FRMD4B: variants seen among roughly 807,000 people sequenced by gnomAD.
FRMD4B encodes the protein FERM domain containing 4B, also known as FERM domain-containing protein 4B.
Under a neutral mutation model 141.5 loss-of-function variants are expected in FRMD4B, and 74 were observed. The observed-to-expected ratio is 0.52, with a 90% CI of 0.43 to 0.63. FRMD4B has a LOEUF of 0.63. Ranked by LOEUF, FRMD4B falls within the 30% of genes least tolerant of loss-of-function variation. The probability of loss-of-function intolerance (pLI) is 0.00; values close to 1 mark genes in which losing one functional copy is unlikely to be tolerated. For missense variants in FRMD4B, 1,366 were observed against 1,253.4 expected (o/e 1.09, Z -1.36); for synonymous variants, 506 against 467.9 (o/e 1.08, Z -1.05).
At chr3:69,469,769 C>T (rs914333923) in intron 1 of FRMD4B, among the ~76,000 whole-genome samples, 1 of 152,146 alleles carries the variant, frequency 6.6e-6, no homozygotes, top group African/African-American at 2.4e-5. Flanking sequence ...GCTGAAATGG[C>T]TGTTGATAAA....
intron 1 of FRMD4B, chr3:69,377,123 A>C (rs1048282662): frequency 6.6e-6 from 1 of 152,232 alleles, no homozygotes; most frequent in Non-Finnish European, 1.5e-5. Flanking sequence ...TGATGAGCTA[A>C]AAAATTAAGA....
At chr3:69,230,809 A>G (rs1447652880) in intron 7 of FRMD4B, among the ~76,000 whole-genome samples, 1 of 152,200 alleles carries the variant, frequency 6.6e-6, no homozygotes, top group Non-Finnish European at 1.5e-5. Flanking sequence ...AATATCCCAT[A>G]ACAGTATAAA....
At position 69,540,652 on chromosome 3, in the gene FRMD4B, TATATATATACAC is replaced by T. The variant is rs1406224759; in HGVS notation, c.-129+1542_-129+1553del. On this transcript the variant is annotated intron_variant, in intron 1 of 5. Transcript: ENST00000459638. The stretch of plus-strand genomic sequence containing the variant: ...AAAAAAAAAAATATATATATATATA[TATATATATACAC>T]ACACACACACACACACACACACACA... Among the ~76,000 whole-genome samples the T allele has an allele frequency of 5.3e-3, 436 of 81,682 alleles. 2 individuals carry two copies. The highest frequency in any genetic ancestry group is 5.9e-3 in the Non-Finnish European group (283 of 47,832). 53.6% of individuals were successfully genotyped at this position (81,682 alleles called of 152,430 possible).
intron 4 of FRMD4B, among the ~76,000 whole-genome samples, chr3:69,299,491 T>A (rs1701140866): frequency 6.6e-6 from 1 of 152,192 alleles, no homozygotes; most frequent in African/African-American, 2.4e-5. Flanking sequence ...CCTCCCTCCA[T>A]GGCATTATAT....
chr3:69,456,250 G>GAAAGT (rs397786386), intron 1 of FRMD4B, among the ~76,000 whole-genome samples: 1 of 151,322 alleles, frequency 6.6e-6, no homozygotes, highest in African/African-American at 2.4e-5. Flanking sequence ...TTTGCACAAA[G>GAAAGT]TAAGAAAAAA....
At chr3:69,215,573 G>A (rs1159682501) in intron 11 of FRMD4B, among the ~76,000 whole-genome samples, 1 of 151,888 alleles carries the variant, frequency 6.6e-6, no homozygotes, top group Non-Finnish European at 1.5e-5. Flanking sequence ...TTACAGACAG[G>A]AGTCACCATG....
In FRMD4B at chr3:69,169,282, G is replaced by A. The variant is rs1454742727; in HGVS notation, c.*2579C>T. Among the ~76,000 whole-genome samples the A allele has an allele frequency of 1.3e-5, 2 of 151,506 alleles. No individual in the cohort carries two copies. Among genetic ancestry groups the A allele is most frequent in the Non-Finnish European group, 2.9e-5 (2 of 67,962 alleles). ...GTAGTTTAATTGGTTTAATACCAAT[G>A]CGGTTGAGAAATGTTTTTCAAAAGA... is the stretch of plus-strand genomic sequence containing the variant. On this transcript the variant is annotated 3_prime_UTR_variant, in exon 23 of 23. Transcript: ENST00000398540.
chr3:69,337,256 T>C (rs1451478049), intron 1 of FRMD4B, among the ~76,000 whole-genome samples: 2 of 152,146 alleles, frequency 1.3e-5, no homozygotes, highest in Non-Finnish European at 2.9e-5. Context: ...TAGCCATATG[T>C]AGAAAGCTGA....
intron 5 of FRMD4B, among the ~76,000 whole-genome samples, chr3:69,262,249 G>A (rs945262316): frequency 2.6e-5 from 4 of 152,164 alleles, no homozygotes; most frequent in East Asian, 3.9e-4. Flanking sequence ...TTACAGGCAC[G>A]AACCACCATG....
At chr3:69,452,127 A>T (rs1399224330) in intron 1 of FRMD4B, among the ~76,000 whole-genome samples, 1 of 152,274 alleles carries the variant, frequency 6.6e-6, no homozygotes, top group Non-Finnish European at 1.5e-5. Flanking sequence ...TTATTCCTTC[A>T]TATGTTCACC....
At chr3:69,276,549 G>A (rs911650222) in intron 5 of FRMD4B, among the ~76,000 whole-genome samples, 1 of 152,128 alleles carries the variant, frequency 6.6e-6, no homozygotes, top group Non-Finnish European at 1.5e-5. Context: ...TACCATGCCC[G>A]ACCTTTAGGT....
At chr3:69,236,952 A>G (rs184710350) in intron 7 of FRMD4B, among the ~76,000 whole-genome samples, 1 of 152,368 alleles carries the variant, frequency 6.6e-6, no homozygotes, top group African/African-American at 2.4e-5. Flanking sequence ...GCTAAAAGAA[A>G]GAGCCCTCTT....
intron 1 of FRMD4B, among the ~76,000 whole-genome samples, chr3:69,486,680 A>C (rs745805400): frequency 1.3e-5 from 2 of 152,192 alleles, no homozygotes; most frequent in African/African-American, 2.4e-5. Flanking sequence ...GACATACTAC[A>C]TGGGGAGGAA....
intron 22 of FRMD4B, among the ~76,000 whole-genome samples, chr3:69,175,995 T>C (rs1163955143): frequency 6.6e-6 from 1 of 151,994 alleles, no homozygotes; most frequent in East Asian, 1.9e-4. Flanking sequence ...TTAGCCAGGA[T>C]GGTCTCGATC....
chr3:69,280,584 C>T (rs1559775015), intron 5 of FRMD4B, among the ~76,000 whole-genome samples: 1 of 152,178 alleles, frequency 6.6e-6, no homozygotes, highest in African/African-American at 2.4e-5. Context: ...GGAGTTTAAA[C>T]TCAGGATGTC....
chr3:69,227,936 ACT>A (rs995675325), intron 7 of FRMD4B, among the ~76,000 whole-genome samples: 2 of 152,034 alleles, frequency 1.3e-5, no homozygotes, highest in African/African-American at 4.8e-5. Flanking sequence ...GTATAAAGGA[ACT>A]CTCTGTACTT....
chr3:69,209,912 A>T (rs2093059482), intron 11 of FRMD4B, among the ~76,000 whole-genome samples: 1 of 152,242 alleles, frequency 6.6e-6, no homozygotes. Flanking sequence ...GTCATGGTGG[A>T]AAGAAGAGCT....
At chr3:69,406,492 T>A (rs1704651922) in intron 2 of FRMD4B, among the ~76,000 whole-genome samples, 1 of 152,306 alleles carries the variant, frequency 6.6e-6, no homozygotes, top group Admixed American at 6.5e-5. Flanking sequence ...CCTTGCCACA[T>A]TTCCATTGTA....
In FRMD4B at chr3:69,169,209, A is replaced by G. The variant is rs978834545; in HGVS notation, c.*2652T>C. Among the ~76,000 whole-genome samples the G allele has an allele frequency of 6.6e-6, 1 of 152,198 alleles. No individual in the cohort carries two copies. Among genetic ancestry groups the G allele is most frequent in the Non-Finnish European group, 1.5e-5 (1 of 68,036 alleles). ...TTTTGTAATAAAAAAGAGGAAACGT[A>G]CATGTTGAATAATGTACTTTTGTCA... On this transcript the variant is annotated 3_prime_UTR_variant, in exon 23 of 23. Transcript: ENST00000398540.
Sources: allele counts gnomAD v4.1 joint callset (sites outside exome capture counted in the v4.1 genomes callset), GRCh38; gene constraint gnomAD v4.1.1; transcripts MANE v1.5; gene names NCBI Gene and HGNC (gene_info 2026-07-23, HGNC 2026-07-21).